Variants in AK5 observed in about 807,000 individuals in gnomAD.
AK5 encodes adenylate kinase 5.
Under a neutral mutation model 69.5 loss-of-function variants are expected in AK5, and 27 were observed. The observed-to-expected ratio is 0.39, with a 90% CI of 0.29 to 0.54. The LOEUF (loss-of-function observed/expected upper bound fraction) is 0.54, where lower values mean the gene tolerates loss of function less well. Ranked by LOEUF, AK5 falls within the 20% of genes least tolerant of loss-of-function variation. The probability of loss-of-function intolerance (pLI) is 0.71; values close to 1 mark genes in which losing one functional copy is unlikely to be tolerated. For missense variants in AK5, 531 were observed against 700.4 expected (o/e 0.76, Z 2.73); for synonymous variants, 260 against 244.4 (o/e 1.06, Z -0.60).
At chr1:77,338,885 T>C (rs1238191656) in intron 5 of AK5, among the ~76,000 whole-genome samples, 1 of 152,218 alleles carries the variant, frequency 6.6e-6, no homozygotes, top group Admixed American at 6.5e-5. Flanking sequence ...TAAGTTCCTG[T>C]ATCTCTATTG....
chr1:77,329,346 TTATAA>T (rs1660971957), intron 5 of AK5, among the ~76,000 whole-genome samples: 1 of 152,172 alleles, frequency 6.6e-6, no homozygotes. Flanking sequence ...AGAAAGTTTC[TTATAA>T]TATAAAGAAG....
At chr1:77,402,155 C>A (rs1649257271) in intron 6 of AK5, among the ~76,000 whole-genome samples, 1 of 152,116 alleles carries the variant, frequency 6.6e-6, no homozygotes, top group Non-Finnish European at 1.5e-5. Context: ...CCTTTTCTGA[C>A]CCATGAAATG....
chr1:77,287,070 A>G lies in AK5; in HGVS notation c.190A>G (p.Lys64Glu), dbSNP rs1658398800. Residue 64 changes from lysine to glutamate, a missense_variant, in exon 2 of 14, where the codon AAG (lysine) becomes GAG (glutamate). Transcript: ENST00000354567. ...ATGGGATACATTTGTAAGCCAGGAAAAGAAGACCTTACCTCCACTAAATGG... is the reference window on the plus strand; with the variant it reads ...ATGGGATACATTTGTAAGCCAGGAAGAGAAGACCTTACCTCCACTAAATGG... Reference protein sequence around the residue: ...VKWDTFVSQEKKTLPPLNGGQ... With the variant: ...VKWDTFVSQEEKTLPPLNGGQ... 1 of 1,609,192 alleles carries G rather than the reference A, an allele frequency of 6.2e-7. No homozygotes were observed. Among genetic ancestry groups the G allele is most frequent in the African/African-American group, 1.3e-5 (1 of 74,672 alleles).
intron 6 of AK5, among the ~76,000 whole-genome samples, chr1:77,383,719 A>C (rs1412200917): frequency 6.6e-6 from 1 of 152,196 alleles, no homozygotes; most frequent in East Asian, 1.9e-4. Flanking sequence ...TAATATCAAC[A>C]TGTAAAGAAC....
At chr1:77,313,927 C>G (rs759280164) in intron 5 of AK5, 1 of 510,554 alleles carries the variant, frequency 2.0e-6, no homozygotes, top group Non-Finnish European at 4.0e-6. Flanking sequence ...AAGTCTTTGC[C>G]TCTGCCTGCC....
chr1:77,425,155 A>T lies in AK5; in HGVS notation c.1059+7440A>T, dbSNP rs950113566. On this transcript the variant is annotated intron_variant, in intron 8 of 13. Transcript: ENST00000354567. ...AGAGGGGAATAAAGCACCAACCTAG[A>T]ATTCTGTACTCGACAAAATTATCCT... Among the ~76,000 whole-genome samples the T allele has an allele frequency of 1.7e-4, 26 of 152,240 alleles. 1 individual carries two copies. The highest frequency in any genetic ancestry group is 1.5e-4 in the Non-Finnish European group (10 of 68,040).
chr1:77,336,363 A>T (rs1386478897), intron 5 of AK5, among the ~76,000 whole-genome samples: 1 of 152,148 alleles, frequency 6.6e-6, no homozygotes, highest in African/African-American at 2.4e-5. Context: ...TACAGGCATG[A>T]GCCACTGTAC....
At chr1:77,411,627 C>T (rs371799977) in intron 7 of AK5, among the ~76,000 whole-genome samples, 13 of 152,138 alleles carry the variant, frequency 8.5e-5, no homozygotes, top group Non-Finnish European at 1.5e-4. Flanking sequence ...TCATTCTCTC[C>T]GTACTCTGAC....
At chr1:77,333,553 C>A (rs1329728217) in intron 5 of AK5, among the ~76,000 whole-genome samples, 16 of 128,356 alleles carry the variant, frequency 1.2e-4, no homozygotes, top group Admixed American at 9.5e-4. Context: ...CTCCCCCCCA[C>A]CATGCTAGTT....
intron 8 of AK5, among the ~76,000 whole-genome samples, chr1:77,424,846 A>G (rs1330686943): frequency 6.6e-6 from 1 of 152,220 alleles, no homozygotes; most frequent in Non-Finnish European, 1.5e-5. Context: ...GAACAGAAGC[A>G]ATATTTGAAG....
At chr1:77,527,670 TGTCCCTGGGTACAGTAACTTTA>T (rs1658364617) in intron 12 of AK5, among the ~76,000 whole-genome samples, 1 of 152,252 alleles carries the variant, frequency 6.6e-6, no homozygotes, top group Non-Finnish European at 1.5e-5. Context: ...GACATTGATT[TGTCCCTGGGTACAGTAACTTTA>T]GAAGATTCTA....
chr1:77,553,120 A>G (rs150557201), intron 13 of AK5, among the ~76,000 whole-genome samples: 2 of 152,350 alleles, frequency 1.3e-5, no homozygotes, highest in Non-Finnish European at 2.9e-5. Context: ...AAACATAGGT[A>G]TGGTTTTCTT....
At chr1:77,382,403 T>G (rs1017300512) in intron 6 of AK5, among the ~76,000 whole-genome samples, 1 of 152,198 alleles carries the variant, frequency 6.6e-6, no homozygotes, top group Non-Finnish European at 1.5e-5. Context: ...TAGGCTGGAA[T>G]GCAATGGTGT....
intron 5 of AK5, among the ~76,000 whole-genome samples, chr1:77,328,698 T>C (rs1660934544): frequency 6.6e-6 from 1 of 152,200 alleles, no homozygotes; most frequent in African/African-American, 2.4e-5. Flanking sequence ...GCAGATATGA[T>C]TAATTAGGCT....
At chr1:77,471,849 T>C (rs994404626) in intron 8 of AK5, among the ~76,000 whole-genome samples, 5 of 152,240 alleles carry the variant, frequency 3.3e-5, no homozygotes, top group African/African-American at 1.2e-4. Context: ...GTGTACACAT[T>C]CTGTAGGAGC....
intron 6 of AK5, among the ~76,000 whole-genome samples, chr1:77,383,064 A>G (rs752652078): frequency 3.3e-5 from 5 of 152,230 alleles, no homozygotes; most frequent in Admixed American, 6.5e-5. Flanking sequence ...TAGAAAAACC[A>G]TTATTATGAT....
chr1:77,337,919 G>A (rs933858448), intron 5 of AK5, among the ~76,000 whole-genome samples: 1 of 151,898 alleles, frequency 6.6e-6, no homozygotes, highest in Non-Finnish European at 1.5e-5. Flanking sequence ...CTTACACAGT[G>A]GCAATGAGAA....
At chr1:77,430,130 CA>C (rs56891598) in intron 8 of AK5, among the ~76,000 whole-genome samples, 59,669 of 137,520 alleles carry the variant, frequency 0.43, 12,146 homozygotes, top group Non-Finnish European at 0.48. Flanking sequence ...CTATGGAGTT[CA>C]AAAAAAAAAA....
chr1:77,445,165 T>C (rs1281287389), intron 8 of AK5, among the ~76,000 whole-genome samples: 1 of 152,194 alleles, frequency 6.6e-6, no homozygotes, highest in African/African-American at 2.4e-5. Context: ...GATTGCTGCA[T>C]CATATGGTAG....
Sources: gnomAD v4.1 joint callset for allele counts (sites outside exome capture counted in the v4.1 genomes callset) on GRCh38, gnomAD v4.1.1 for gene constraint, MANE v1.5 for transcripts, NCBI Gene and HGNC (gene_info 2026-07-23, HGNC 2026-07-21) for gene names.